The following TTC7B variants were observed in gnomAD, a reference collection of about 807,000 sequenced individuals.
The protein encoded by TTC7B is tetratricopeptide repeat protein 7B.
Under a neutral mutation model 106.8 loss-of-function variants are expected in TTC7B, and 28 were observed. That is an observed-to-expected ratio of 0.26 (90% CI 0.19 to 0.36). The LOEUF (loss-of-function observed/expected upper bound fraction) is 0.36. Among genes scored for constraint, TTC7B ranks in the 10% least tolerant of loss-of-function variants. The pLI, the probability that TTC7B is intolerant of heterozygous loss-of-function variation, is 1.00. For missense variants in TTC7B, 862 were observed against 1,076.4 expected (o/e 0.80, Z 2.79); for synonymous variants, 405 against 430.6 (o/e 0.94, Z 0.74).
intron 5 of TTC7B, among the ~76,000 whole-genome samples, chr14:90,720,641 T>A (rs1281375492): frequency 6.6e-6 from 1 of 152,118 alleles, no homozygotes; most frequent in African/African-American, 2.4e-5. Flanking sequence ...TATCAGCAAT[T>A]CCCAGGGCAT....
intron 1 of TTC7B, among the ~76,000 whole-genome samples, chr14:90,790,365 TGAG>T (rs1891543874): frequency 6.6e-6 from 1 of 152,180 alleles, no homozygotes; most frequent in East Asian, 1.9e-4. Flanking sequence ...TGGTTACTTC[TGAG>T]TGGTAAGACT....
chr14:90,583,880 C>A (rs1891610166), intron 18 of TTC7B, among the ~76,000 whole-genome samples: 1 of 152,334 alleles, frequency 6.6e-6, no homozygotes. Context: ...AACCCAAATG[C>A]TTTTGCTTGG....
intron 1 of TTC7B, among the ~76,000 whole-genome samples, chr14:90,813,092 C>T (rs896638656): frequency 6.6e-6 from 1 of 152,210 alleles, no homozygotes; most frequent in Admixed American, 6.5e-5. Flanking sequence ...CACTTTCTAC[C>T]CATGAAGTTC....
Position 90,816,166 on chromosome 14 carries a change from G to C in TTC7B, c.121+9C>G. 7.3e-6 allele frequency: 9 copies of C among 1,233,156 alleles called. No homozygotes were observed. The highest frequency in any genetic ancestry group is 9.4e-6 in the Non-Finnish European group (9 of 956,250). The allele number at this position is 1,233,156 out of a possible 1,614,324, so 76.4% of individuals were successfully genotyped here. A position where few individuals can be genotyped will look rare whatever the true frequency, so the allele number is the denominator to read the frequency against. On this transcript the variant is annotated intron_variant, in intron 1 of 19. Coordinates refer to ENST00000328459, the MANE Select transcript of TTC7B (RefSeq NM_001010854.2). Reference sequence around the variant, plus strand: ...CCCCGCAGCCCAGGCCGGCGCGCCCGGAGCGTACCGTTGGCGATGAGCTTG... The same window carrying C: ...CCCCGCAGCCCAGGCCGGCGCGCCCCGAGCGTACCGTTGGCGATGAGCTTG...
At chr14:90,735,546 T>C (rs1322199883) in intron 4 of TTC7B, among the ~76,000 whole-genome samples, 1 of 150,460 alleles carries the variant, frequency 6.6e-6, no homozygotes, top group Non-Finnish European at 1.5e-5. Flanking sequence ...GCAATAAAAA[T>C]AGAAAAGATC....
chr14:90,632,409 G>A (rs543356865), intron 15 of TTC7B, among the ~76,000 whole-genome samples: 4 of 152,206 alleles, frequency 2.6e-5, no homozygotes, highest in East Asian at 3.9e-4. Context: ...GTGTGTGCCC[G>A]AGTGAAAAAG....
chr14:90,742,231 G>C lies in TTC7B; in HGVS notation c.576+2561C>G, dbSNP rs936896252. ...AGTTTCGTTTCATTTCGTTTCGTTC[G>C]CTTCTTTCTTTCTTCCTTTCTTTCT... On this transcript the variant is annotated intron_variant, in intron 4 of 19. Transcript: ENST00000328459. This position sits in a 1 kb window ranked among gnomAD's most constrained non-coding sequence, Gnocchi z 4.1. Among the ~76,000 whole-genome samples the C allele has an allele frequency of 6.6e-6, 1 of 151,690 alleles. No homozygotes were observed. Among genetic ancestry groups the C allele is most frequent in the South Asian group, 2.1e-4 (1 of 4,780 alleles).
chr14:90,529,367 G>C lies in TTC7B; in HGVS notation c.*12001C>G, dbSNP rs566801825. ...ACTGGAGCCAACCAGCGTGGCTTCG[G>C]CCAGTTAACAGACCACTTCTTGGAG... On this transcript the variant is annotated 3_prime_UTR_variant, in exon 20 of 20. Coordinates refer to ENST00000328459, the MANE Select transcript of TTC7B (RefSeq NM_001010854.2). 2 of 152,410 alleles carry C rather than the reference G, an allele frequency of 1.3e-5. No homozygotes were observed. The highest frequency in any genetic ancestry group is 3.9e-4 in the East Asian group (2 of 5,184). The allele number at this position is 152,410 out of a possible 1,614,324, so 9.4% of individuals were successfully genotyped here.
At chr14:90,567,135 C>A (rs1890832917) in intron 19 of TTC7B, among the ~76,000 whole-genome samples, 1 of 152,236 alleles carries the variant, frequency 6.6e-6, no homozygotes, top group South Asian at 2.1e-4. Context: ...CAGGTCAGCA[C>A]CCCGCAAGAG....
chr14:90,580,982 C>A (rs779153482), intron 18 of TTC7B, among the ~76,000 whole-genome samples: 11 of 152,198 alleles, frequency 7.2e-5, no homozygotes, highest in Non-Finnish European at 1.2e-4. Context: ...TGGCCGGTCC[C>A]TCCCTCGAAC....
At chr14:90,580,939 G>A (rs970445780) in intron 18 of TTC7B, among the ~76,000 whole-genome samples, 1 of 152,184 alleles carries the variant, frequency 6.6e-6, no homozygotes, top group African/African-American at 2.4e-5. Context: ...TGTGGTTAGT[G>A]GCGATGCTGC....
At chr14:90,703,240 T>G (rs1388952058) in intron 5 of TTC7B, among the ~76,000 whole-genome samples, 7 of 152,124 alleles carry the variant, frequency 4.6e-5, no homozygotes, top group African/African-American at 1.7e-4. Context: ...TCCAGAAAAG[T>G]GCAGAAAAAA....
chr14:90,708,408 A>G (rs753477906), intron 5 of TTC7B, among the ~76,000 whole-genome samples: 10 of 152,208 alleles, frequency 6.6e-5, no homozygotes, highest in Admixed American at 2.0e-4. Flanking sequence ...GCAACTGGTG[A>G]CTTTGAGTTG....
intron 19 of TTC7B, among the ~76,000 whole-genome samples, chr14:90,562,929 C>A (rs144963462): frequency 6.6e-6 from 1 of 152,186 alleles, no homozygotes; most frequent in Admixed American, 6.5e-5. Context: ...CCACAAACCA[C>A]GAGCACAGAC....
chr14:90,800,999 G>A (rs868763676), intron 1 of TTC7B, among the ~76,000 whole-genome samples: 3 of 151,906 alleles, frequency 2.0e-5, no homozygotes, highest in South Asian at 2.1e-4. Context: ...CAGGCTATAC[G>A]GTCCTTGAGA....
At chr14:90,731,050 A>G (rs1889306714) in intron 4 of TTC7B, among the ~76,000 whole-genome samples, 1 of 152,028 alleles carries the variant, frequency 6.6e-6, no homozygotes, top group Admixed American at 6.5e-5. Flanking sequence ...GGTTCACGCC[A>G]TTCTCCTGCC....
At chr14:90,579,572 C>T (rs912823672) in intron 18 of TTC7B, among the ~76,000 whole-genome samples, 32 of 152,128 alleles carry the variant, frequency 2.1e-4, no homozygotes, top group Non-Finnish European at 4.0e-4. Context: ...CCGAGGCGGG[C>T]GGATAGCTTG....
At chr14:90,621,391 G>A (rs928356091) in intron 15 of TTC7B, among the ~76,000 whole-genome samples, 24 of 151,428 alleles carry the variant, frequency 1.6e-4, no homozygotes, top group South Asian at 1.0e-3. Flanking sequence ...CGGCCGGGAC[G>A]ATGGGCAGAG....
chr14:90,559,608 G>A (rs767721481), intron 19 of TTC7B, among the ~76,000 whole-genome samples: 19 of 152,320 alleles, frequency 1.2e-4, no homozygotes, highest in Non-Finnish European at 2.1e-4. Flanking sequence ...ACATGGACTC[G>A]TGGTGGGAGC....
Sources: allele counts gnomAD v4.1 joint callset (sites outside exome capture counted in the v4.1 genomes callset), GRCh38; gene constraint gnomAD v4.1.1; non-coding constraint Gnocchi (gnomAD v3.1); transcripts MANE v1.5; gene names NCBI Gene and HGNC (gene_info 2026-07-23, HGNC 2026-07-21).